Variants in VAV3 observed in about 807,000 individuals in gnomAD.
VAV3 encodes vav guanine nucleotide exchange factor 3.
Under a neutral mutation model 131.2 loss-of-function variants are expected in VAV3, and 94 were observed. The observed-to-expected ratio is 0.72, with a 90% CI of 0.61 to 0.85. The LOEUF (loss-of-function observed/expected upper bound fraction) is 0.85. VAV3 is among the 40% of genes least tolerant of loss of function. VAV3 has a pLI of 0.00. For missense variants in VAV3, 939 were observed against 1,002.7 expected, an observed-to-expected ratio of 0.94 and a Z score of 0.86; for synonymous variants, 349 against 342.0, an observed-to-expected ratio of 1.02 and a Z score of -0.22.
chr1:107,660,874 C>A (rs114251290), intron 19 of VAV3, among the ~76,000 whole-genome samples: 1 of 151,936 alleles, frequency 6.6e-6, no homozygotes, highest in African/African-American at 2.4e-5. Context: ...GCAAACGCTA[C>A]GGAAGCACAA....
intron 4 of VAV3, among the ~76,000 whole-genome samples, chr1:107,773,156 T>A (rs139536723): frequency 6.6e-6 from 1 of 152,334 alleles, no homozygotes; most frequent in East Asian, 1.9e-4. Flanking sequence ...CATTATTATT[T>A]AATCCATTAA....
intron 2 of VAV3, among the ~76,000 whole-genome samples, chr1:107,797,373 T>C (rs1666599751): frequency 1.3e-5 from 2 of 152,204 alleles, no homozygotes. Context: ...CCATAAATTC[T>C]ACTAGGTGTC....
At chr1:107,578,063 G>C (rs1470669552) in intron 25 of VAV3, among the ~76,000 whole-genome samples, 1 of 152,190 alleles carries the variant, frequency 6.6e-6, no homozygotes. Flanking sequence ...GGGTCCTAGT[G>C]ATATTTGTGG....
intron 25 of VAV3, among the ~76,000 whole-genome samples, chr1:107,584,509 C>T (rs1430478540): frequency 6.6e-6 from 1 of 152,152 alleles, no homozygotes; most frequent in Non-Finnish European, 1.5e-5. Context: ...ACCTACTCAT[C>T]TGACAAAGGG....
intron 1 of VAV3, among the ~76,000 whole-genome samples, chr1:107,940,337 G>A (rs928539003): frequency 6.6e-6 from 1 of 151,986 alleles, no homozygotes; most frequent in African/African-American, 2.4e-5. Context: ...TATTTAAAAG[G>A]AAAGCTAATC....
At chr1:107,941,513 T>G (rs551972325) in intron 1 of VAV3, among the ~76,000 whole-genome samples, 1 of 152,318 alleles carries the variant, frequency 6.6e-6, no homozygotes, top group Non-Finnish European at 1.5e-5. Flanking sequence ...GCCAACATCC[T>G]TCGGGGCCTG....
rs1674254315 is a variant in VAV3, at chr1:107,946,218, G to A, written c.204+18448C>T. 2.6e-5 allele frequency among the ~76,000 whole-genome samples: 4 copies of A among 152,278 alleles called. No individual in the cohort carries two copies. In the South Asian group the frequency reaches 8.3e-4, roughly 32 times the overall value. Reference sequence around the variant, plus strand: ...TGGTCCAAGTGAAAGATGGAGAGTGGAGAGGAGCAGACATGGATTCAAGAT... The same window carrying A: ...TGGTCCAAGTGAAAGATGGAGAGTGAAGAGGAGCAGACATGGATTCAAGAT... On this transcript the variant is annotated intron_variant, in intron 1 of 26. Coordinates refer to ENST00000370056, the MANE Select transcript of VAV3 (RefSeq NM_006113.5).
intron 2 of VAV3, among the ~76,000 whole-genome samples, chr1:107,839,649 G>A (rs1668609873): frequency 6.6e-6 from 1 of 151,990 alleles, no homozygotes; most frequent in Non-Finnish European, 1.5e-5. Context: ...GCTTAGAGCA[G>A]ACAGAATAAA....
At chr1:107,799,986 A>T (rs1387662516) in intron 2 of VAV3, among the ~76,000 whole-genome samples, 1 of 152,100 alleles carries the variant, frequency 6.6e-6, no homozygotes, top group Non-Finnish European at 1.5e-5. Context: ...TAACATAATG[A>T]TCTCCAGTCC....
chr1:107,672,938 T>C (rs1279010164), intron 19 of VAV3, among the ~76,000 whole-genome samples: 1 of 152,174 alleles, frequency 6.6e-6, no homozygotes, highest in Non-Finnish European at 1.5e-5. Context: ...TGTGGGGACA[T>C]AATTCAATGT....
intron 1 of VAV3, among the ~76,000 whole-genome samples, chr1:107,962,956 T>C (rs1675197768): frequency 1.3e-5 from 2 of 152,244 alleles, no homozygotes; most frequent in African/African-American, 4.8e-5. Context: ...GAGCATTGTA[T>C]GTGCTCAATT....
intron 25 of VAV3, among the ~76,000 whole-genome samples, chr1:107,583,893 T>C (rs556312493): frequency 6.6e-6 from 1 of 152,218 alleles, no homozygotes; most frequent in African/African-American, 2.4e-5. Context: ...CTTCACAGAA[T>C]TGGAAAAAAC....
intron 17 of VAV3, 164 bp from the exon 18 acceptor site, chr1:107,688,570 C>A: frequency 6.7e-7 from 1 of 1,501,714 alleles, no homozygotes; most frequent in Non-Finnish European, 8.8e-7. Flanking sequence ...AATTATTTTG[C>A]AACCTTGGTT....
intron 20 of VAV3, among the ~76,000 whole-genome samples, chr1:107,623,712 C>G (rs1653778442): frequency 6.6e-6 from 1 of 152,150 alleles, no homozygotes; most frequent in Non-Finnish European, 1.5e-5. Flanking sequence ...CCATTAATTC[C>G]AAAATACTCA....
rs532417373 is a variant in VAV3 at position 107,647,296 on chromosome 1, C to G, written c.1778-4541G>C. 3.3e-5 allele frequency among the ~76,000 whole-genome samples: 5 copies of G among 150,930 alleles called. No homozygotes were observed. The South Asian group carries it at 1.1e-3, about 32-fold the overall frequency. The stretch of plus-strand genomic sequence containing the variant: ...TGAGGCCCAATTTAAAATCTAAACA[C>G]AGCCACATTAAAAAATAATTAGTTT... On this transcript the variant is annotated intron_variant, in intron 19 of 26. Coordinates refer to ENST00000370056, the MANE Select transcript of VAV3 (RefSeq NM_006113.5).
intron 25 of VAV3, among the ~76,000 whole-genome samples, chr1:107,576,806 A>G (rs888645566): frequency 6.6e-6 from 1 of 152,216 alleles, no homozygotes; most frequent in Admixed American, 6.5e-5. Flanking sequence ...TGCTTACTGT[A>G]AAGTAATCCT....
At position 107,855,355 on chromosome 1, in the gene VAV3, C is replaced by T. The variant is rs183240112; in HGVS notation, c.321+19546G>A. On this transcript the variant is annotated intron_variant, in intron 2 of 26. Coordinates refer to ENST00000370056, the MANE Select transcript of VAV3 (RefSeq NM_006113.5). ...GCAGTGGCACAATCATGGCTCACTGCGGCCTCAACTTCCTGGATTCAAGCG... is the reference window on the plus strand; with the variant it reads ...GCAGTGGCACAATCATGGCTCACTGTGGCCTCAACTTCCTGGATTCAAGCG... Among the ~76,000 whole-genome samples, 452 of 152,216 alleles carry T rather than the reference C, an allele frequency of 3.0e-3. 2 individuals are homozygous for T. The highest frequency in any genetic ancestry group is 4.7e-3 in the Non-Finnish European group (321 of 68,026).
At chr1:107,625,391 C>T (rs972726050) in intron 20 of VAV3, among the ~76,000 whole-genome samples, 4 of 151,974 alleles carry the variant, frequency 2.6e-5, no homozygotes, top group Non-Finnish European at 5.9e-5. Flanking sequence ...CTCAGTCTCC[C>T]GAGTAGCTGG....
chr1:107,785,289 G>A (rs1665920471), intron 2 of VAV3, among the ~76,000 whole-genome samples: 3 of 152,186 alleles, frequency 2.0e-5, no homozygotes, highest in Non-Finnish European at 2.9e-5. Context: ...GAAGCCATGA[G>A]ACCAACATGT....
Sources: allele counts gnomAD v4.1 joint callset (sites outside exome capture counted in the v4.1 genomes callset), GRCh38; gene constraint gnomAD v4.1.1; transcripts MANE v1.5; gene names NCBI Gene and HGNC (gene_info 2026-07-23, HGNC 2026-07-21).